The following NKAIN3 variants were observed in gnomAD, a reference collection of about 807,000 sequenced individuals.
The protein encoded by NKAIN3 is sodium/potassium transporting ATPase interacting 3.
A neutral mutation model predicts 30.2 loss-of-function variants in NKAIN3; 25 were observed. That is an observed-to-expected ratio of 0.83 (90% CI 0.60 to 1.16). The LOEUF is 1.16. NKAIN3 is among the 50% of genes most tolerant of loss of function. The probability of loss-of-function intolerance (pLI) is 0.00; values close to 1 mark genes in which losing one functional copy is unlikely to be tolerated. For synonymous variants in NKAIN3, 91 were observed against 89.6 expected (o/e 1.02, Z -0.09); for missense variants, 225 against 254.1 (o/e 0.89, Z 0.78).
In NKAIN3 at chr8:62,972,975, T is replaced by G. The variant is rs183371929; in HGVS notation, c.*7568T>G. On this transcript the variant is annotated 3_prime_UTR_variant, in exon 7 of 7. Transcript: ENST00000623646. Reference sequence around the variant, plus strand: ...TTGCTGAGAATGATGGTTTCCAGCTTCATCCATGTCCCTGCAAAGGACATT... The same window carrying G: ...TTGCTGAGAATGATGGTTTCCAGCTGCATCCATGTCCCTGCAAAGGACATT... Among the ~76,000 whole-genome samples the G allele has an allele frequency of 1.8e-3, 269 of 152,090 alleles. 2 individuals are homozygous for G. The highest frequency in any genetic ancestry group is 5.9e-3 in the African/African-American group (244 of 41,432).
At chr8:62,609,248 T>G (rs915527528) in intron 3 of NKAIN3, among the ~76,000 whole-genome samples, 1 of 152,164 alleles carries the variant, frequency 6.6e-6, no homozygotes, top group African/African-American at 2.4e-5. Context: ...GTATTTTCCC[T>G]CAAGTAGCTT....
rs140347912 is a variant in NKAIN3, at chr8:62,980,198, T to C, written c.*14791T>C. The C allele has an allele frequency of 6.6e-6, 1 of 152,310 alleles. No homozygotes were observed. The highest frequency in any genetic ancestry group is 1.9e-4 in the East Asian group (1 of 5,184). The allele number at this position is 152,310 out of a possible 1,614,324, so 9.4% of individuals were successfully genotyped here. A position where few individuals can be genotyped will look rare whatever the true frequency, so the allele number is the denominator to read the frequency against. Reference sequence around the variant, plus strand: ...AAATAGCTTACTTTTAACTGCTGGGTGTCAGTCTCTTCTAAAAATTTTGTT... The same window carrying C: ...AAATAGCTTACTTTTAACTGCTGGGCGTCAGTCTCTTCTAAAAATTTTGTT... On this transcript the variant is annotated 3_prime_UTR_variant, in exon 7 of 7. Coordinates refer to ENST00000623646, the MANE Select transcript of NKAIN3 (RefSeq NM_001304533.3).
intron 1 of NKAIN3, among the ~76,000 whole-genome samples, chr8:62,405,467 T>C (rs1804032513): frequency 3.9e-5 from 6 of 152,250 alleles, no homozygotes; most frequent in Admixed American, 3.9e-4. Context: ...TTCCTCTAGC[T>C]AGGGCTGGCA....
intron 4 of NKAIN3, among the ~76,000 whole-genome samples, chr8:62,749,186 G>A (rs1039935709): frequency 2.0e-5 from 3 of 152,136 alleles, no homozygotes; most frequent in African/African-American, 7.2e-5. Flanking sequence ...ATGATAGCAT[G>A]GCCAGACCTT....
intron 4 of NKAIN3, among the ~76,000 whole-genome samples, chr8:62,809,463 C>A (rs745853188): frequency 2.8e-4 from 43 of 152,260 alleles, no homozygotes; most frequent in Middle Eastern, 6.8e-3. Context: ...TCCATGAAAT[C>A]TTCACAATTT....
chr8:62,397,955 T>C (rs1817817571), intron 1 of NKAIN3, among the ~76,000 whole-genome samples: 1 of 152,076 alleles, frequency 6.6e-6, no homozygotes, highest in Non-Finnish European at 1.5e-5. Flanking sequence ...TGGAGACAAA[T>C]TGAGATGGAA....
At chr8:62,987,003 G>A (rs554512237), downstream of NKAIN3, among the ~76,000 whole-genome samples, 11 of 152,214 alleles carry the variant, frequency 7.2e-5, no homozygotes, top group South Asian at 1.7e-3. Flanking sequence ...AGCTCTTCAT[G>A]TATAATGGTT....
chr8:62,440,048 C>CA (rs199664176), intron 1 of NKAIN3, among the ~76,000 whole-genome samples: 1,736 of 152,156 alleles, frequency 0.011, 28 homozygotes, highest in African/African-American at 0.04. Flanking sequence ...TCTTTTTAGC[C>CA]AAAATTGGGT....
chr8:62,385,947 G>C (rs1299284694), intron 1 of NKAIN3, among the ~76,000 whole-genome samples: 2 of 152,184 alleles, frequency 1.3e-5, no homozygotes, highest in African/African-American at 2.4e-5. Flanking sequence ...AGAACTAGTG[G>C]TCAGCAGGCT....
intron 4 of NKAIN3, chr8:62,855,480 GT>G: frequency 7.3e-7 from 1 of 1,364,404 alleles, no homozygotes; most frequent in Non-Finnish European, 1.0e-6. Context: ...TCATTATTTT[GT>G]TTTCTCTTGG....
At chr8:62,999,042 C>A (rs1181082286) in intron 5 of NKAIN3, among the ~76,000 whole-genome samples, 1 of 152,204 alleles carries the variant, frequency 6.6e-6, no homozygotes, top group South Asian at 2.1e-4. Flanking sequence ...TGTGCAGGCC[C>A]TTTGCTCATT....
At chr8:62,660,381 A>G (rs895785663) in intron 3 of NKAIN3, among the ~76,000 whole-genome samples, 1 of 152,204 alleles carries the variant, frequency 6.6e-6, no homozygotes, top group Non-Finnish European at 1.5e-5. Context: ...ACAATCTATA[A>G]TTAAGTATAT....
intron 3 of NKAIN3, among the ~76,000 whole-genome samples, chr8:62,746,497 C>A (rs1816075721): frequency 6.6e-6 from 1 of 152,196 alleles, no homozygotes; most frequent in Admixed American, 6.5e-5. Flanking sequence ...CCTACATGAA[C>A]ATTCAAGAAT....
rs534295136 is a variant in NKAIN3 at position 62,946,226 on chromosome 8, A to AG, written c.533-7671dup. 2.2e-3 allele frequency among the ~76,000 whole-genome samples: 334 copies of AG among 152,244 alleles called. 1 individual carries two copies. The highest frequency in any genetic ancestry group is 7.8e-3 in the African/African-American group (323 of 41,530). On this transcript the variant is annotated intron_variant, in intron 5 of 6. Coordinates refer to ENST00000623646, the MANE Select transcript of NKAIN3 (RefSeq NM_001304533.3). ...TCGGGATCACAAAGTTATTTCAGGAAGGGGGTAGCACAGCCCCAACCACCC... is the reference window on the plus strand; with the variant it reads ...TCGGGATCACAAAGTTATTTCAGGAAGGGGGGTAGCACAGCCCCAACCACCC...
chr8:62,480,855 G>C (rs560520715), intron 1 of NKAIN3, among the ~76,000 whole-genome samples: 173 of 152,210 alleles, frequency 1.1e-3, no homozygotes, highest in African/African-American at 3.9e-3. Context: ...TTAGGGAACA[G>C]AAAGTGGAGA....
chr8:62,369,276 C>T (rs1161593053), intron 1 of NKAIN3, among the ~76,000 whole-genome samples: 1 of 152,088 alleles, frequency 6.6e-6, no homozygotes, highest in Admixed American at 6.5e-5. Flanking sequence ...TGGTTAAGTA[C>T]TCTGGTTTTT....
intron 1 of NKAIN3, among the ~76,000 whole-genome samples, chr8:62,551,626 G>C (rs918984994): frequency 6.6e-6 from 1 of 152,202 alleles, no homozygotes; most frequent in African/African-American, 2.4e-5. Flanking sequence ...TGTTTGAACA[G>C]TTGTTTTGAG....
chr8:62,365,894 T>C (rs1035036361), intron 1 of NKAIN3, among the ~76,000 whole-genome samples: 1 of 152,178 alleles, frequency 6.6e-6, no homozygotes, highest in African/African-American at 2.4e-5. Flanking sequence ...TTTTAAAAAT[T>C]TTAAGGGTAA....
At chr8:62,581,110 TATAAAATAAAATAAAATAAA>T (rs71559376) in intron 2 of NKAIN3, among the ~76,000 whole-genome samples, 140 of 114,340 alleles carry the variant, frequency 1.2e-3, no homozygotes, top group African/African-American at 2.9e-3. Flanking sequence ...CTCAAAAAAA[TATAAAATAAAATAAAATAAA>T]ATAAAATAAA....
Sources: gnomAD v4.1 joint callset for allele counts (sites outside exome capture counted in the v4.1 genomes callset) on GRCh38, gnomAD v4.1.1 for gene constraint, MANE v1.5 for transcripts, NCBI Gene and HGNC (gene_info 2026-07-23, HGNC 2026-07-21) for gene names.